The following LRP12 variants were observed in gnomAD, a reference collection of about 807,000 sequenced individuals.
The protein encoded by LRP12 is low-density lipoprotein receptor-related protein 12.
Under a neutral mutation model 66.0 loss-of-function variants are expected in LRP12, and 14 were observed. That is an observed-to-expected ratio of 0.21 (90% CI 0.14 to 0.33). The LOEUF (loss-of-function observed/expected upper bound fraction) is 0.33. LRP12 is among the 10% of genes least tolerant of loss of function. The pLI is 1.00. For missense variants in LRP12, 889 were observed against 1,053.4 expected (o/e 0.84, Z 2.16); for synonymous variants, 357 against 359.1 (o/e 0.99, Z 0.07).
intron 3 of LRP12, among the ~76,000 whole-genome samples, chr8:104,503,794 C>T (rs1031346193): frequency 2.0e-5 from 3 of 152,218 alleles, no homozygotes; most frequent in South Asian, 2.1e-4. Flanking sequence ...AAGGTTTTCT[C>T]TTCCTTCCTA....
At chr8:104,555,821 T>C (rs1350880280) in intron 1 of LRP12, among the ~76,000 whole-genome samples, 7 of 152,060 alleles carry the variant, frequency 4.6e-5, no homozygotes, top group Admixed American at 3.3e-4. Flanking sequence ...ACTTAACAGA[T>C]ATTTACAGGA....
rs189612422 is a variant in LRP12, at chr8:104,577,273, T to C, written c.79+11546A>G. On this transcript the variant is annotated intron_variant, in intron 1 of 6. Coordinates refer to ENST00000276654, the MANE Select transcript of LRP12 (RefSeq NM_013437.5). ...GAATTATCCGCCCTAAAACAGAATA[T>C]ACATGTTTCTCATTGCCAGATGGCA... Among the ~76,000 whole-genome samples the C allele has an allele frequency of 2.2e-4, 34 of 152,266 alleles. 1 individual carries two copies. The highest frequency in any genetic ancestry group is 8.2e-4 in the African/African-American group (34 of 41,556).
At chr8:104,572,234 A>T (rs2140894842) in intron 1 of LRP12, among the ~76,000 whole-genome samples, 1 of 152,324 alleles carries the variant, frequency 6.6e-6, no homozygotes, top group South Asian at 2.1e-4. Flanking sequence ...CTCAGTGGCT[A>T]TCACAGATTA....
chr8:104,512,299 G>C (rs1463251353), intron 2 of LRP12, among the ~76,000 whole-genome samples: 1 of 152,156 alleles, frequency 6.6e-6, no homozygotes, highest in Non-Finnish European at 1.5e-5. Context: ...CCTGGTGACA[G>C]AGCGAGACTT....
intron 1 of LRP12, among the ~76,000 whole-genome samples, chr8:104,557,771 C>G (rs1811834776): frequency 6.6e-6 from 1 of 151,990 alleles, no homozygotes; most frequent in Admixed American, 6.6e-5. Context: ...AAAAAATAAT[C>G]CTAAAATTCA....
intron 1 of LRP12, among the ~76,000 whole-genome samples, chr8:104,579,725 A>G (rs1376512195): frequency 6.6e-6 from 1 of 152,240 alleles, no homozygotes; most frequent in Non-Finnish European, 1.5e-5. Context: ...CTCGTACAAA[A>G]ACAGACACAT....
At chr8:104,525,783 G>A (rs1811225702) in intron 2 of LRP12, among the ~76,000 whole-genome samples, 1 of 152,138 alleles carries the variant, frequency 6.6e-6, no homozygotes, top group Non-Finnish European at 1.5e-5. Context: ...AGACAGGGAT[G>A]CCCTCTCTCA....
At chr8:104,587,199 T>C (rs1228694045) in intron 1 of LRP12, among the ~76,000 whole-genome samples, 2 of 152,176 alleles carry the variant, frequency 1.3e-5, no homozygotes, top group East Asian at 3.9e-4. Context: ...AATTCAATGC[T>C]TATTATAGTA....
intron 2 of LRP12, among the ~76,000 whole-genome samples, chr8:104,525,776 C>T (rs924273292): frequency 6.6e-6 from 1 of 152,088 alleles, no homozygotes; most frequent in Non-Finnish European, 1.5e-5. Flanking sequence ...TGGCACAAGA[C>T]AGGGATGCCC....
At chr8:104,537,419 G>T (rs995749372) in intron 1 of LRP12, among the ~76,000 whole-genome samples, 2 of 152,086 alleles carry the variant, frequency 1.3e-5, no homozygotes, top group African/African-American at 4.8e-5. Context: ...AATAGGCAAA[G>T]AACTACCACT....
At chr8:104,576,447 G>C (rs1197687993) in intron 1 of LRP12, among the ~76,000 whole-genome samples, 1 of 152,182 alleles carries the variant, frequency 6.6e-6, no homozygotes, top group Non-Finnish European at 1.5e-5. Flanking sequence ...AGCCAGAAGA[G>C]ACTGGGGGCC....
chr8:104,580,661 C>G (rs1812236698), intron 1 of LRP12, among the ~76,000 whole-genome samples: 1 of 152,162 alleles, frequency 6.6e-6, no homozygotes, highest in Non-Finnish European at 1.5e-5. Flanking sequence ...GACATACATA[C>G]AGCCAACAAT....
intron 2 of LRP12, among the ~76,000 whole-genome samples, chr8:104,514,012 T>C (rs928364148): frequency 6.6e-6 from 1 of 152,152 alleles, no homozygotes; most frequent in South Asian, 2.1e-4. Context: ...ATTTGTTTGA[T>C]GGAATAGGTA....
chr8:104,490,428 GA>G lies in LRP12; in HGVS notation c.*244del, dbSNP rs1810599561. 4.8e-6 allele frequency: 2 copies of G among 415,936 alleles called. No homozygotes were observed. The highest frequency in any genetic ancestry group is 8.5e-6 in the Non-Finnish European group (2 of 234,870). The allele number at this position is 415,936 out of a possible 1,614,324, so 25.8% of individuals were successfully genotyped here. On this transcript the variant is annotated 3_prime_UTR_variant, in exon 7 of 7. Transcript: ENST00000276654. ...TACAGTATCAGGATGAAAACAATCA[GA>G]AACAAATGAAAGGACATTATTGAAC...
intron 3 of LRP12, among the ~76,000 whole-genome samples, chr8:104,500,482 C>T (rs745400957): frequency 1.3e-5 from 2 of 152,026 alleles, no homozygotes; most frequent in African/African-American, 2.4e-5. Context: ...CTGAGGTGGG[C>T]GGATCACGAA....
At chr8:104,574,189 TTACA>T (rs143467264) in intron 1 of LRP12, among the ~76,000 whole-genome samples, 2,561 of 152,308 alleles carry the variant, frequency 0.017, 67 homozygotes, top group African/African-American at 0.058. Flanking sequence ...AGTTGTCATC[TTACA>T]TATTTTTATT....
intron 6 of LRP12, among the ~76,000 whole-genome samples, chr8:104,493,120 T>C (rs1278805976): frequency 1.3e-5 from 2 of 152,226 alleles, no homozygotes; most frequent in African/African-American, 2.4e-5. Context: ...AGTCAGTTAA[T>C]TAGGATTGGC....
chr8:104,538,032 C>G (rs957759145), intron 1 of LRP12, among the ~76,000 whole-genome samples: 1 of 152,174 alleles, frequency 6.6e-6, no homozygotes, highest in African/African-American at 2.4e-5. Flanking sequence ...TCATCACTTG[C>G]AACCAAAAGC....
chr8:104,532,491 A>C (rs57061880), intron 1 of LRP12, among the ~76,000 whole-genome samples: 2,570 of 152,178 alleles, frequency 0.017, 72 homozygotes, highest in African/African-American at 0.058. Flanking sequence ...CCCTCAAATT[A>C]ATGTAAGCAA....
Sources: gnomAD v4.1 joint callset for allele counts (sites outside exome capture counted in the v4.1 genomes callset) on GRCh38, gnomAD v4.1.1 for gene constraint, MANE v1.5 for transcripts, NCBI Gene and HGNC (gene_info 2026-07-23, HGNC 2026-07-21) for gene names.